Variants in RBFOX1 observed in about 807,000 individuals in gnomAD.
RBFOX1 encodes the protein RNA binding protein fox-1 homolog 1.
In RBFOX1, 8 loss-of-function variants were observed where a neutral mutation model predicts 57.7. The observed-to-expected ratio is 0.14, with a 90% CI of 0.08 to 0.25. The LOEUF is 0.25. Among genes scored for constraint, RBFOX1 ranks in the 10% least tolerant of loss-of-function variants. The probability of loss-of-function intolerance (pLI) is 1.00; values close to 1 mark genes in which losing one functional copy is unlikely to be tolerated. For synonymous variants in RBFOX1, 326 were observed against 222.4 expected (o/e 1.47, Z -4.15); for missense variants, 611 against 548.5 (o/e 1.11, Z -1.14).
At chr16:6,529,141 C>G (rs1485341342) in intron 2 of RBFOX1, among the ~76,000 whole-genome samples, 2 of 152,294 alleles carry the variant, frequency 1.3e-5, no homozygotes, top group African/African-American at 4.8e-5. Context: ...GTGCCTCCAT[C>G]TGTTACCCAA....
At chr16:6,985,796 T>C (rs140545384) in intron 3 of RBFOX1, among the ~76,000 whole-genome samples, 38 of 135,454 alleles carry the variant, frequency 2.8e-4, no homozygotes, top group African/African-American at 9.8e-4. Context: ...TTGGTGCTAC[T>C]GCACTCCGGC....
chr16:7,028,063 G>A (rs939305306), intron 3 of RBFOX1, among the ~76,000 whole-genome samples: 4 of 152,122 alleles, frequency 2.6e-5, no homozygotes, highest in African/African-American at 7.2e-5. Flanking sequence ...AGTGTTCGCA[G>A]CCCTGAGAAA....
intron 1 of RBFOX1, among the ~76,000 whole-genome samples, chr16:5,454,429 T>C (rs573651846): frequency 6.0e-4 from 91 of 152,370 alleles, no homozygotes; most frequent in Middle Eastern, 3.4e-3. Context: ...TGCCTAGATA[T>C]GTGGTTACAT....
intron 1 of RBFOX1, among the ~76,000 whole-genome samples, chr16:5,295,470 G>A (rs1881331): frequency 0.97 from 147,349 of 152,264 alleles, 71,473 homozygotes; most frequent in Middle Eastern, 1. Context: ...GGCTGCAGCC[G>A]TAGTGTCAGC....
At chr16:6,952,819 AC>A (rs2081037971) in intron 3 of RBFOX1, among the ~76,000 whole-genome samples, 1 of 151,976 alleles carries the variant, frequency 6.6e-6, no homozygotes, top group African/African-American at 2.4e-5. Flanking sequence ...CTACTAAAAT[AC>A]AAAAATTAGC....
At chr16:6,896,382 C>A (rs2066916352) in intron 3 of RBFOX1, among the ~76,000 whole-genome samples, 1 of 152,056 alleles carries the variant, frequency 6.6e-6, no homozygotes, top group South Asian at 2.1e-4. Flanking sequence ...ATGTCTTTTT[C>A]TTTCTTTTTT....
chr16:5,427,993 C>T (rs867878785), intron 1 of RBFOX1, among the ~76,000 whole-genome samples: 3 of 152,184 alleles, frequency 2.0e-5, no homozygotes. Flanking sequence ...TCCACACTGA[C>T]ATTGTGGGTC....
At chr16:5,735,434 T>G (rs9930417) in intron 3 of RBFOX1, among the ~76,000 whole-genome samples, 1 of 151,710 alleles carries the variant, frequency 6.6e-6, no homozygotes, top group East Asian at 1.9e-4. Flanking sequence ...CGATACAACT[T>G]TTCTGAACTT....
At chr16:7,023,566 A>T (rs1247721172) in intron 3 of RBFOX1, among the ~76,000 whole-genome samples, 1 of 117,242 alleles carries the variant, frequency 8.5e-6, no homozygotes, top group African/African-American at 5.0e-5. Flanking sequence ...GTCTGTACTA[A>T]AAAAAAAAAA....
At chr16:6,328,009 A>G (rs1214426659) in intron 2 of RBFOX1, among the ~76,000 whole-genome samples, 1 of 152,170 alleles carries the variant, frequency 6.6e-6, no homozygotes, top group African/African-American at 2.4e-5. Context: ...TGCATTGCCA[A>G]TTTGCAGTTG....
chr16:6,687,195 A>G (rs1256801649), intron 3 of RBFOX1, among the ~76,000 whole-genome samples: 5 of 152,184 alleles, frequency 3.3e-5, no homozygotes, highest in African/African-American at 1.2e-4. Flanking sequence ...ATCAGGTAGT[A>G]AATACCGTAT....
At chr16:7,133,545 G>C (rs1316250047) in intron 4 of RBFOX1, among the ~76,000 whole-genome samples, 1 of 152,138 alleles carries the variant, frequency 6.6e-6, no homozygotes, top group Non-Finnish European at 1.5e-5. Context: ...AGAAGAGAGA[G>C]AGCAGCTCTT....
intron 2 of RBFOX1, among the ~76,000 whole-genome samples, chr16:5,552,187 C>G (rs1291280808): frequency 2.0e-5 from 3 of 152,194 alleles, no homozygotes; most frequent in African/African-American, 4.8e-5. Flanking sequence ...AGTGCAGCTT[C>G]TCTGAGATAA....
chr16:5,863,611 T>C (rs184341415), intron 3 of RBFOX1, among the ~76,000 whole-genome samples: 218 of 152,266 alleles, frequency 1.4e-3, no homozygotes, highest in African/African-American at 5.0e-3. Context: ...CTAATATAAT[T>C]TTGACTATGA....
At chr16:6,269,907 C>T (rs2074999482) in intron 1 of RBFOX1, among the ~76,000 whole-genome samples, 1 of 151,988 alleles carries the variant, frequency 6.6e-6, no homozygotes, top group African/African-American at 2.4e-5. Flanking sequence ...ATTCAAAATA[C>T]AAGTAGTAGG....
intron 2 of RBFOX1, among the ~76,000 whole-genome samples, chr16:6,645,757 A>G (rs1367236917): frequency 6.6e-6 from 1 of 152,148 alleles, no homozygotes; most frequent in Non-Finnish European, 1.5e-5. Flanking sequence ...GACAGCTGAC[A>G]TTTACTGATA....
intron 3 of RBFOX1, among the ~76,000 whole-genome samples, chr16:5,806,518 C>G (rs1029473110): frequency 6.6e-6 from 1 of 152,174 alleles, no homozygotes; most frequent in Admixed American, 6.5e-5. Flanking sequence ...CCTCTTAATA[C>G]CAACATAATG....
intron 3 of RBFOX1, among the ~76,000 whole-genome samples, chr16:6,872,014 A>G (rs575239078): frequency 1.2e-4 from 18 of 149,820 alleles, no homozygotes; most frequent in South Asian, 4.2e-4. Flanking sequence ...ACTCAATCCT[A>G]TTGTTCATTA....
chr16:6,187,153 T>A (rs1185557285), intron 1 of RBFOX1, among the ~76,000 whole-genome samples: 1 of 152,152 alleles, frequency 6.6e-6, no homozygotes, highest in Admixed American at 6.5e-5. Flanking sequence ...TTGTCATGCT[T>A]GGCCCTATCA....
Sources: gnomAD v4.1 joint callset for allele counts (sites outside exome capture counted in the v4.1 genomes callset) on GRCh38, gnomAD v4.1.1 for gene constraint, MANE v1.5 for transcripts, NCBI Gene and HGNC (gene_info 2026-07-23, HGNC 2026-07-21) for gene names.